The following LARGE1 variants were observed in gnomAD, a reference collection of about 807,000 sequenced individuals.
LARGE1 encodes the protein LARGE xylosyl- and glucuronyltransferase 1.
A neutral mutation model predicts 87.6 loss-of-function variants in LARGE1; 43 were observed. The observed-to-expected ratio is 0.49, with a 90% CI of 0.38 to 0.63. The LOEUF is 0.63. Among genes scored for constraint, LARGE1 ranks in the 30% least tolerant of loss-of-function variants. The pLI is 0.00. For synonymous variants in LARGE1, 434 were observed against 394.6 expected (o/e 1.10, Z -1.18); for missense variants, 802 against 1,000.2 (o/e 0.80, Z 2.67).
At chr22:33,386,677 CTGAT>C (rs1355934330) in intron 7 of LARGE1, among the ~76,000 whole-genome samples, 1 of 147,198 alleles carries the variant, frequency 6.8e-6, no homozygotes, top group Non-Finnish European at 1.5e-5. Flanking sequence ...AATGTATTAT[CTGAT>C]TGTTTTACTC....
intron 6 of LARGE1, among the ~76,000 whole-genome samples, chr22:33,537,777 T>A (rs1247526030): frequency 6.6e-6 from 1 of 152,162 alleles, no homozygotes; most frequent in African/African-American, 2.4e-5. Context: ...TTCACTATAC[T>A]GGCCAGGCTG....
intron 6 of LARGE1, among the ~76,000 whole-genome samples, chr22:33,493,154 CTTT>C (rs750203810): frequency 3.7e-5 from 4 of 109,170 alleles, no homozygotes; most frequent in African/African-American, 3.7e-5. Flanking sequence ...GCATGGTGGC[CTTT>C]TTTTTTTTTT....
At chr22:33,686,773 C>T (rs2081956920) in intron 2 of LARGE1, among the ~76,000 whole-genome samples, 1 of 152,136 alleles carries the variant, frequency 6.6e-6, no homozygotes, top group South Asian at 2.1e-4. Context: ...CAGATCCCTG[C>T]TCTGAGCCCA....
chr22:33,330,848 T>C (rs567174842), intron 10 of LARGE1, among the ~76,000 whole-genome samples: 4 of 152,196 alleles, frequency 2.6e-5, no homozygotes, highest in Non-Finnish European at 5.9e-5. Flanking sequence ...CTGGATGTCC[T>C]TATTTTTATT....
intron 2 of LARGE1, among the ~76,000 whole-genome samples, chr22:33,663,566 C>T (rs1306903718): frequency 6.6e-6 from 1 of 152,064 alleles, no homozygotes; most frequent in Admixed American, 6.6e-5. Flanking sequence ...TTTCTGACCC[C>T]AAAAAGAAAA....
chr22:33,720,551 C>T lies in LARGE1; in HGVS notation c.106+40820G>A, dbSNP rs950116038. 7.9e-5 allele frequency among the ~76,000 whole-genome samples: 12 copies of T among 152,174 alleles called. No homozygotes were observed. The South Asian group carries it at 1.4e-3, about 18-fold the overall frequency. On this transcript the variant is annotated intron_variant, in intron 2 of 14. Coordinates refer to ENST00000397394, the MANE Select transcript of LARGE1 (RefSeq NM_133642.5). ...TTTCTCAGAATGTATCCCAGTCATA[C>T]GCATGACTATACTACAAAAGTACTA... is the stretch of plus-strand genomic sequence containing the variant.
At chr22:33,696,623 G>A (rs2082261198) in intron 2 of LARGE1, among the ~76,000 whole-genome samples, 2 of 152,118 alleles carry the variant, frequency 1.3e-5, no homozygotes, top group Admixed American at 6.5e-5. Context: ...AGTAATGTGT[G>A]AGAGATACAG....
chr22:33,485,753 A>G (rs1350786260), intron 6 of LARGE1, among the ~76,000 whole-genome samples: 1 of 152,090 alleles, frequency 6.6e-6, no homozygotes, highest in East Asian at 1.9e-4. Context: ...GGCTACTCTG[A>G]TCCACACCCC....
chr22:33,428,620 A>C, intron 7 of LARGE1, among the ~76,000 whole-genome samples: 1 of 77,254 alleles, frequency 1.3e-5, no homozygotes, highest in Non-Finnish European at 2.5e-5. Flanking sequence ...GCCTTGTCCT[A>C]TCTTAAAAAA....
chr22:33,075,316 T>A, the LARGE1 span, among the ~76,000 whole-genome samples: 2 of 152,026 alleles, frequency 1.3e-5, no homozygotes. Context: ...AGTTGAAGAA[T>A]TTCATCAGTA....
intron 11 of LARGE1, among the ~76,000 whole-genome samples, chr22:33,203,009 A>G (rs1057460549): frequency 4.6e-5 from 7 of 152,116 alleles, no homozygotes; most frequent in Non-Finnish European, 8.8e-5. Flanking sequence ...ATAAAATTTA[A>G]AAAACATATC....
chr22:33,258,172 A>G lies in LARGE1; in HGVS notation c.1730+46057T>C, dbSNP rs544187074. On this transcript the variant is annotated intron_variant, in intron 11 of 11. Coordinates refer to the LARGE1 transcript ENST00000608642. ...CAGCCTCCCAAGTAGCTGGGATTACAGGCATCCACCACCACGCCCGGCTAA... is the reference window on the plus strand; with the variant it reads ...CAGCCTCCCAAGTAGCTGGGATTACGGGCATCCACCACCACGCCCGGCTAA... Among the ~76,000 whole-genome samples, 68 of 152,258 alleles carry G rather than the reference A, an allele frequency of 4.5e-4. No individual in the cohort carries two copies. The South Asian group carries it at 0.013, about 29-fold the overall frequency.
At chr22:33,648,933 T>C (rs187004445) in intron 3 of LARGE1, among the ~76,000 whole-genome samples, 2 of 152,354 alleles carry the variant, frequency 1.3e-5, no homozygotes, top group African/African-American at 4.8e-5. Flanking sequence ...GAGTGCAATA[T>C]GTTTGCTGAA....
At chr22:33,404,673 T>C (rs1243683535) in intron 7 of LARGE1, among the ~76,000 whole-genome samples, 2 of 152,240 alleles carry the variant, frequency 1.3e-5, no homozygotes, top group Non-Finnish European at 2.9e-5. Flanking sequence ...TAAATCCAGC[T>C]TTCTCGTGTC....
At chr22:33,539,225 T>A (rs1038290588) in intron 6 of LARGE1, among the ~76,000 whole-genome samples, 3 of 150,100 alleles carry the variant, frequency 2.0e-5, no homozygotes, top group Admixed American at 1.3e-4. Context: ...CTGCACTTCA[T>A]AGATTCTTTG....
chr22:33,437,249 A>C (rs2067303793), intron 6 of LARGE1, among the ~76,000 whole-genome samples: 1 of 152,178 alleles, frequency 6.6e-6, no homozygotes, highest in Admixed American at 6.5e-5. Flanking sequence ...TGGTGTCTAC[A>C]TTCACCTCAT....
chr22:33,288,502 T>C (rs897931499), intron 12 of LARGE1, among the ~76,000 whole-genome samples: 2 of 152,208 alleles, frequency 1.3e-5, no homozygotes, highest in African/African-American at 2.4e-5. Context: ...CATATATTAC[T>C]ATCTATAGGA....
intron 7 of LARGE1, among the ~76,000 whole-genome samples, chr22:33,426,894 C>T (rs183107022): frequency 3.3e-5 from 5 of 152,322 alleles, no homozygotes; most frequent in East Asian, 3.9e-4. Context: ...TTGGGGAGGA[C>T]GCACCTTGTG....
At chr22:33,849,036 G>A (rs770133625) in intron 1 of LARGE1, among the ~76,000 whole-genome samples, 37 of 152,200 alleles carry the variant, frequency 2.4e-4, no homozygotes, top group Non-Finnish European at 4.7e-4. Context: ...AACAGTTCTT[G>A]GCCTGTCCAC....
Sources: allele counts gnomAD v4.1 joint callset (sites outside exome capture counted in the v4.1 genomes callset), GRCh38; gene constraint gnomAD v4.1.1; transcripts MANE v1.5; gene names NCBI Gene and HGNC (gene_info 2026-07-23, HGNC 2026-07-21).